FAM184B: variants seen among roughly 807,000 people sequenced by gnomAD.
The protein encoded by FAM184B is protein FAM184B.
A neutral mutation model predicts 135.9 loss-of-function variants in FAM184B; 111 were observed. The observed-to-expected ratio is 0.82, with a 90% CI of 0.70 to 0.96. FAM184B has a LOEUF of 0.96. Among genes scored for constraint, FAM184B ranks in the 40% least tolerant of loss-of-function variants. The pLI is 0.00. For missense variants in FAM184B, 1,375 were observed against 1,323.9 expected (o/e 1.04, Z -0.60); for synonymous variants, 552 against 524.8 (o/e 1.05, Z -0.71).
At chr4:17,751,875 C>G (rs191884291) in intron 1 of FAM184B, among the ~76,000 whole-genome samples, 127 of 74,240 alleles carry the variant, frequency 1.7e-3, no homozygotes, top group Non-Finnish European at 2.4e-3. Flanking sequence ...ACAAAAGAAC[C>G]AGGCACGCAA....
intron 14 of FAM184B, among the ~76,000 whole-genome samples, chr4:17,637,672 C>CAG (rs3066608): frequency 0.6 from 91,642 of 151,784 alleles, 28,106 homozygotes; most frequent in East Asian, 0.89. Context: ...GTATTGGAGA[C>CAG]TGGAGAAGTT....
chr4:17,705,003 C>A lies in FAM184B; in HGVS notation c.1374G>T (p.Gln458His), dbSNP rs1276239453. The A allele has an allele frequency of 1.3e-6, 2 of 1,551,628 alleles. No homozygotes were observed. The highest frequency in any genetic ancestry group is 1.7e-6 in the Non-Finnish European group (2 of 1,146,964). The change falls in exon 5 of 18, where the codon CAG becomes CAT. Residue 458 changes from glutamine to histidine, a missense_variant. Transcript: ENST00000265018. ...SSVEAERKKL[Q>H]REVEAQLEEV... ...TCTCTATGGAAGTAGGTCTCACCCT[C>A]TGCAGTTTCTTTCTTTCAGCCTCCA...
intron 1 of FAM184B, among the ~76,000 whole-genome samples, chr4:17,739,623 G>A (rs1225271802): frequency 1.5e-5 from 2 of 135,836 alleles, no homozygotes; most frequent in African/African-American, 5.6e-5. Flanking sequence ...GCGCCATCTT[G>A]GCTCACCGGC....
chr4:17,754,951 G>A (rs1718386613), intron 1 of FAM184B, among the ~76,000 whole-genome samples: 1 of 151,786 alleles, frequency 6.6e-6, no homozygotes, highest in Non-Finnish European at 1.5e-5. Context: ...ATAGCTCACT[G>A]CAGCCTCAAC....
At chr4:17,643,892 T>A (rs1201516178) in intron 12 of FAM184B, among the ~76,000 whole-genome samples, 1 of 152,084 alleles carries the variant, frequency 6.6e-6, no homozygotes, top group Non-Finnish European at 1.5e-5. Context: ...CCTGATCCAG[T>A]CTAGGCAACA....
intron 1 of FAM184B, among the ~76,000 whole-genome samples, chr4:17,754,879 C>A (rs1718385067): frequency 6.8e-6 from 1 of 146,590 alleles, no homozygotes; most frequent in East Asian, 2.0e-4. Context: ...TAAATTAAAA[C>A]TTTTTTTTTT....
intron 1 of FAM184B, among the ~76,000 whole-genome samples, chr4:17,780,275 G>A (rs1719009729): frequency 6.6e-6 from 1 of 152,172 alleles, no homozygotes; most frequent in African/African-American, 2.4e-5. Context: ...GACAGACCTG[G>A]ACCTGACCTC....
intron 3 of FAM184B, 70 bp downstream of exon 3, chr4:17,707,579 G>T (rs561716116): frequency 1.7e-4 from 256 of 1,531,684 alleles, no homozygotes; most frequent in Non-Finnish European, 2.1e-4. Flanking sequence ...GGCTTAGGCT[G>T]CCAGTAGCAC....
Position 17,679,207 on chromosome 4 carries a change from A to C in FAM184B, c.1596+9217T>G, listed in dbSNP as rs374008735. ...ACTTCATTAAACTAAAAAGCTCTGCACAGCAAAAGAAACAATCAGCAGAGT... is the reference window on the plus strand; with the variant it reads ...ACTTCATTAAACTAAAAAGCTCTGCCCAGCAAAAGAAACAATCAGCAGAGT... On this transcript the variant is annotated intron_variant, in intron 7 of 17. Transcript: ENST00000265018. 1.2e-4 allele frequency among the ~76,000 whole-genome samples: 19 copies of C among 152,376 alleles called. No homozygotes were observed. In the East Asian group the frequency reaches 2.1e-3, roughly 17 times the overall value.
At chr4:17,729,997 AAAG>A in intron 1 of FAM184B, among the ~76,000 whole-genome samples, 1 of 152,320 alleles carries the variant, frequency 6.6e-6, no homozygotes, top group African/African-American at 2.4e-5. Context: ...AACAAATGGC[AAAG>A]AAGTTAAAAA....
intron 1 of FAM184B, among the ~76,000 whole-genome samples, chr4:17,732,923 T>C (rs1030767691): frequency 6.6e-6 from 1 of 152,204 alleles, no homozygotes; most frequent in African/African-American, 2.4e-5. Context: ...TGAACATTGA[T>C]GCAAGAATCC....
intron 6 of FAM184B, 126 bp downstream of exon 6, chr4:17,693,176 C>T (rs895772254): frequency 2.1e-5 from 14 of 655,212 alleles, no homozygotes; most frequent in Non-Finnish European, 3.1e-5. Flanking sequence ...GCACGCCCCC[C>T]GAGACAGCCT....
At chr4:17,741,258 A>G (rs541371049) in intron 1 of FAM184B, among the ~76,000 whole-genome samples, 1 of 152,310 alleles carries the variant, frequency 6.6e-6, no homozygotes, top group Non-Finnish European at 1.5e-5. Context: ...AGGAAGGGAT[A>G]TTGGGGGATG....
In FAM184B at chr4:17,781,078, T is replaced by C; in HGVS notation, c.141+81A>G. ...TTTCTGTCTGGATTTGGCCCGGGCC[T>C]CCCGGGAGGCGCATCCGCACTGACT... On this transcript the variant is annotated intron_variant, in intron 1 of 17. Coordinates refer to ENST00000265018, the MANE Select transcript of FAM184B (RefSeq NM_015688.2). This position sits in a 1 kb window ranked among gnomAD's most constrained non-coding sequence, Gnocchi z 6.5. 1 of 1,419,192 alleles carries C rather than the reference T, an allele frequency of 7.0e-7. No homozygotes were observed. The allele number at this position is 1,419,192 out of a possible 1,614,324, so 87.9% of individuals were successfully genotyped here.
chr4:17,684,692 C>T (rs1029319804), intron 7 of FAM184B, among the ~76,000 whole-genome samples: 12 of 152,128 alleles, frequency 7.9e-5, no homozygotes, highest in Non-Finnish European at 1.3e-4. Context: ...TGATATTTGT[C>T]GAGGTTCTTG....
At chr4:17,661,678 G>C (rs1354399911) in intron 8 of FAM184B, among the ~76,000 whole-genome samples, 1 of 152,146 alleles carries the variant, frequency 6.6e-6, no homozygotes, top group Non-Finnish European at 1.5e-5. Context: ...CACCTTTAAG[G>C]AGCAATGAAG....
At chr4:17,701,558 CTCT>C (rs1716986087) in intron 5 of FAM184B, among the ~76,000 whole-genome samples, 1 of 152,180 alleles carries the variant, frequency 6.6e-6, no homozygotes, top group South Asian at 2.1e-4. Flanking sequence ...CAGAGCCCTC[CTCT>C]TATTATAGAC....
chr4:17,730,547 T>G (rs1439658182), intron 1 of FAM184B, among the ~76,000 whole-genome samples: 1 of 152,154 alleles, frequency 6.6e-6, no homozygotes, highest in Non-Finnish European at 1.5e-5. Context: ...GGGAAGCCCA[T>G]CAGACTAACA....
At chr4:17,640,986 T>G (rs188992871) in intron 13 of FAM184B, among the ~76,000 whole-genome samples, 6 of 151,902 alleles carry the variant, frequency 3.9e-5, no homozygotes, top group African/African-American at 1.5e-4. Flanking sequence ...CAGGCTGAAG[T>G]GCAGTGGCCC....
Sources: allele counts gnomAD v4.1 joint callset (sites outside exome capture counted in the v4.1 genomes callset), GRCh38; gene constraint gnomAD v4.1.1; non-coding constraint Gnocchi (gnomAD v3.1); transcripts MANE v1.5; gene names NCBI Gene and HGNC (gene_info 2026-07-23, HGNC 2026-07-21).